The following RERE variants were observed in gnomAD, a reference collection of about 807,000 sequenced individuals.
RERE encodes the protein arginine-glutamic acid dipeptide repeats protein.
A neutral mutation model predicts 146.1 loss-of-function variants in RERE; 40 were observed. The ratio of observed to expected loss-of-function variants is 0.27; its 90% CI spans 0.21 to 0.36. The LOEUF is 0.36. RERE is among the 10% of genes least tolerant of loss of function. The pLI is 1.00. For missense variants in RERE, 1,933 were observed against 2,138.7 expected (o/e 0.90, Z 1.90); for synonymous variants, 1,003 against 866.0 (o/e 1.16, Z -2.78).
At chr1:8,808,131 G>C (rs1641724428) in intron 1 of RERE, among the ~76,000 whole-genome samples, 1 of 122,728 alleles carries the variant, frequency 8.1e-6, no homozygotes. Flanking sequence ...CTGGGCAACA[G>C]AGCAAGACCT....
In RERE at chr1:8,656,486, T is replaced by G. The variant is rs181370675; in HGVS notation, c.-144-45A>C. ...GGTTTTAACGCTTTTTCATATTTGT[T>G]TCCTAAAATAATGTTTTGTTAAATG... On this transcript the variant is annotated intron_variant, in intron 1 of 22. Transcript: ENST00000400908. 5.8e-5 allele frequency: 42 copies of G among 729,138 alleles called. No individual in the cohort carries two copies. The East Asian group carries it at 1.1e-3, about 20-fold the overall frequency. 45.2% of individuals were successfully genotyped at this position (729,138 alleles called of 1,614,324 possible).
At chr1:8,462,408 C>T (rs1430067185) in intron 11 of RERE, among the ~76,000 whole-genome samples, 3 of 152,204 alleles carry the variant, frequency 2.0e-5, no homozygotes, top group Admixed American at 6.5e-5. Flanking sequence ...AAGCGAGTGA[C>T]GCGCAGAGGG....
At chr1:8,673,810 A>G (rs769210266) in intron 1 of RERE, among the ~76,000 whole-genome samples, 4 of 152,180 alleles carry the variant, frequency 2.6e-5, no homozygotes, top group Admixed American at 6.5e-5. Context: ...TTGGGAGCCA[A>G]GGCAGGTAGA....
intron 7 of RERE, among the ~76,000 whole-genome samples, chr1:8,521,693 AG>A (rs1645503672): frequency 2.0e-5 from 3 of 152,214 alleles, no homozygotes; most frequent in Admixed American, 2.0e-4. Flanking sequence ...AGCTCAGAGG[AG>A]GGAAGGAACC....
intron 4 of RERE, among the ~76,000 whole-genome samples, chr1:8,583,755 CAG>C (rs1473669625): frequency 6.6e-6 from 1 of 151,846 alleles, no homozygotes. Flanking sequence ...AGGAGAGGAA[CAG>C]AGTCAGAAAA....
At chr1:8,530,952 A>C (rs923772497) in intron 7 of RERE, among the ~76,000 whole-genome samples, 2 of 151,652 alleles carry the variant, frequency 1.3e-5, no homozygotes, top group Non-Finnish European at 2.9e-5. Flanking sequence ...CGGCCTCCCA[A>C]AGTGCTGGGA....
At chr1:8,516,818 T>C (rs1645425773) in intron 7 of RERE, among the ~76,000 whole-genome samples, 1 of 152,242 alleles carries the variant, frequency 6.6e-6, no homozygotes, top group Non-Finnish European at 1.5e-5. Context: ...AGAATTTTTT[T>C]AAGTTTGAAA....
chr1:8,363,961 A>T, intron 15 of RERE, 95 bp downstream of exon 15: 1 of 1,168,700 alleles, frequency 8.6e-7, no homozygotes, highest in African/African-American at 1.5e-5. Flanking sequence ...CTGGTAAACA[A>T]GACTTTCGCT....
chr1:8,423,075 C>A lies in RERE; in HGVS notation c.1204-268G>T, dbSNP rs142319617. ...ACGTCCTGCGTCTGAGGCTAAGAAG[C>A]AATCTGTCCCCCTCTTCCACCAGGC... On this transcript the variant is annotated intron_variant, in intron 11 of 22. Coordinates refer to ENST00000400908, the MANE Select transcript of RERE (RefSeq NM_001042681.2). The surrounding 1 kb of genome is among the most constrained non-coding windows in gnomAD (Gnocchi z 5.4). 19 of 435,082 alleles carry A rather than the reference C, an allele frequency of 4.4e-5. No individual in the cohort carries two copies. Among genetic ancestry groups the A allele is most frequent in the African/African-American group, 7.9e-5 (4 of 50,892 alleles). 27.0% of individuals were successfully genotyped at this position (435,082 alleles called of 1,614,324 possible). A position where few individuals can be genotyped will look rare whatever the true frequency, so the allele number is the denominator to read the frequency against.
intron 1 of RERE, among the ~76,000 whole-genome samples, chr1:8,658,921 TAG>T (rs1412106779): frequency 1.3e-5 from 2 of 152,058 alleles, no homozygotes; most frequent in Non-Finnish European, 2.9e-5. Flanking sequence ...TTCAGCAAAA[TAG>T]AAAGTATTTA....
At chr1:8,520,649 A>T (rs985790261) in intron 7 of RERE, among the ~76,000 whole-genome samples, 2 of 150,018 alleles carry the variant, frequency 1.3e-5, no homozygotes, top group Non-Finnish European at 3.0e-5. Flanking sequence ...ACATTCCACC[A>T]CAGGCTCCTA....
At chr1:8,541,432 G>A (rs1249481879) in intron 6 of RERE, 114 bp from the exon 7 acceptor site, 7 of 611,494 alleles carry the variant, frequency 1.1e-5, no homozygotes, top group Admixed American at 5.9e-5. Flanking sequence ...ATGGAGAATC[G>A]GCTACAAACA....
chr1:8,682,680 T>A (rs1444354280), intron 1 of RERE, among the ~76,000 whole-genome samples: 1 of 152,150 alleles, frequency 6.6e-6, no homozygotes, highest in South Asian at 2.1e-4. Context: ...CACGAACTTC[T>A]CTATACCTAG....
chr1:8,710,491 C>A (rs1420310009), intron 1 of RERE, among the ~76,000 whole-genome samples: 1 of 152,192 alleles, frequency 6.6e-6, no homozygotes, highest in East Asian at 1.9e-4. Flanking sequence ...GTTTTACTTT[C>A]CAACATAGTC....
At chr1:8,530,866 T>G (rs1645637896) in intron 7 of RERE, among the ~76,000 whole-genome samples, 1 of 150,906 alleles carries the variant, frequency 6.6e-6, no homozygotes, top group Admixed American at 6.6e-5. Flanking sequence ...TAATTTTTTG[T>G]ATTTTTAGTA....
chr1:8,708,308 TTTTG>T (rs969768990), intron 1 of RERE, among the ~76,000 whole-genome samples: 1 of 151,988 alleles, frequency 6.6e-6, no homozygotes, highest in South Asian at 2.1e-4. Context: ...GCTTTTTTGT[TTTTG>T]TTTTTGTTTT....
At position 8,359,782 on chromosome 1, in the gene RERE, GCGCTCC is replaced by G. The variant is rs747069823; in HGVS notation, c.3594_3599del (p.Arg1200_Glu1201del). 2.6e-5 allele frequency: 42 copies of G among 1,600,934 alleles called. No homozygotes were observed. The highest frequency in any genetic ancestry group is 3.3e-5 in the Non-Finnish European group (39 of 1,179,042). ...GACTCACAGCCGCCCGCTCTGCCTC[GCGCTCC>G]CGCTCTCGCTCCCGCTCCCGCTCCT... On this transcript the variant is annotated inframe_deletion, in exon 19 of 23. Transcript: ENST00000400908.
At chr1:8,613,777 TTCAGAATAATAAATAC>T (rs1468896730) in intron 4 of RERE, among the ~76,000 whole-genome samples, 1 of 152,082 alleles carries the variant, frequency 6.6e-6, no homozygotes, top group Non-Finnish European at 1.5e-5. Flanking sequence ...CCACTAGTCA[TTCAGAATAATAAATAC>T]TCGACTTTCA....
At chr1:8,473,439 A>G (rs986320884) in intron 10 of RERE, among the ~76,000 whole-genome samples, 1 of 152,250 alleles carries the variant, frequency 6.6e-6, no homozygotes, top group Non-Finnish European at 1.5e-5. Flanking sequence ...AGTGGACCTC[A>G]TCGCGGATTT....
Sources: gnomAD v4.1 joint callset for allele counts (sites outside exome capture counted in the v4.1 genomes callset) on GRCh38, gnomAD v4.1.1 for gene constraint, Gnocchi (gnomAD v3.1) non-coding constraint, MANE v1.5 for transcripts, NCBI Gene and HGNC (gene_info 2026-07-23, HGNC 2026-07-21) for gene names.